The following ZMAT4 variants were observed in gnomAD, a reference collection of about 807,000 sequenced individuals.
The protein encoded by ZMAT4 is zinc finger matrin-type 4.
Under a neutral mutation model 28.7 loss-of-function variants are expected in ZMAT4, and 17 were observed. The observed-to-expected ratio is 0.59, with a 90% CI of 0.41 to 0.89. The LOEUF (loss-of-function observed/expected upper bound fraction) is 0.89, where lower values mean the gene tolerates loss of function less well. ZMAT4 is among the 40% of genes least tolerant of loss of function. ZMAT4 has a pLI of 0.00. For synonymous variants in ZMAT4, 117 were observed against 109.2 expected, an observed-to-expected ratio of 1.07 and a Z score of -0.44; for missense variants, 240 against 283.8, an observed-to-expected ratio of 0.85 and a Z score of 1.11.
At chr8:40,775,265 G>T (rs967109302) in intron 2 of ZMAT4, among the ~76,000 whole-genome samples, 7 of 152,148 alleles carry the variant, frequency 4.6e-5, no homozygotes, top group African/African-American at 1.7e-4. Context: ...TACAGATCCC[G>T]TTGCGTTCCA....
At chr8:40,557,457 A>C (rs1420052488) in intron 6 of ZMAT4, among the ~76,000 whole-genome samples, 1 of 152,130 alleles carries the variant, frequency 6.6e-6, no homozygotes, top group Non-Finnish European at 1.5e-5. Context: ...TAGTTCCCTG[A>C]AGATATCATG....
At chr8:40,713,542 A>C (rs981845163) in intron 3 of ZMAT4, among the ~76,000 whole-genome samples, 1 of 152,186 alleles carries the variant, frequency 6.6e-6, no homozygotes, top group Non-Finnish European at 1.5e-5. Context: ...ACACTTGCAA[A>C]GCGTTAAAAG....
chr8:40,831,582 C>T (rs543152224), intron 1 of ZMAT4, among the ~76,000 whole-genome samples: 2 of 152,338 alleles, frequency 1.3e-5, no homozygotes, highest in East Asian at 3.9e-4. Flanking sequence ...GGTGAGCATC[C>T]TTCTGTTACA....
chr8:40,577,969 C>T (rs1177300210), intron 6 of ZMAT4, among the ~76,000 whole-genome samples: 1 of 151,672 alleles, frequency 6.6e-6, no homozygotes, highest in Non-Finnish European at 1.5e-5. Context: ...TGGTATATAC[C>T]ATGATTATGG....
At chr8:40,817,240 T>C (rs79259493) in intron 2 of ZMAT4, among the ~76,000 whole-genome samples, 4,830 of 152,226 alleles carry the variant, frequency 0.032, 248 homozygotes, top group East Asian at 0.21. Flanking sequence ...ATAATATTAC[T>C]AAAGACATTA....
intron 5 of ZMAT4, among the ~76,000 whole-genome samples, chr8:40,597,748 T>C (rs559493172): frequency 6.6e-6 from 1 of 152,358 alleles, no homozygotes; most frequent in South Asian, 2.1e-4. Flanking sequence ...AAAAATGTTT[T>C]CATGGATGAA....
intron 2 of ZMAT4, among the ~76,000 whole-genome samples, chr8:40,782,983 G>A (rs1813900435): frequency 6.6e-6 from 1 of 152,186 alleles, no homozygotes; most frequent in Non-Finnish European, 1.5e-5. Flanking sequence ...AAAATGGTGT[G>A]GCCAGTTTGG....
chr8:40,840,596 C>A (rs1283579090), intron 1 of ZMAT4, among the ~76,000 whole-genome samples: 2 of 152,200 alleles, frequency 1.3e-5, no homozygotes, highest in African/African-American at 2.4e-5. Context: ...CAACCTGCTA[C>A]CTCCGTTAGT....
chr8:40,832,535 CT>C (rs1281177893), intron 1 of ZMAT4, among the ~76,000 whole-genome samples: 15 of 152,312 alleles, frequency 9.8e-5, no homozygotes, highest in African/African-American at 3.6e-4. Flanking sequence ...ATGATGCCCC[CT>C]GCTCACCCAT....
chr8:40,787,920 T>C lies in ZMAT4; in HGVS notation c.103-20190A>G, dbSNP rs558041502. Among the ~76,000 whole-genome samples, 78 of 152,296 alleles carry C rather than the reference T, an allele frequency of 5.1e-4. 1 individual carries two copies. The highest frequency in any genetic ancestry group is 1.9e-3 in the South Asian group (9 of 4,830). ...ATGGTTGGCTGAGGGTAATTGAAAC[T>C]GTGGAAAGCAAAACTATGGATAAGG... On this transcript the variant is annotated intron_variant, in intron 2 of 6. Coordinates refer to ENST00000297737, the MANE Select transcript of ZMAT4 (RefSeq NM_024645.3).
chr8:40,619,198 C>A (rs1488798745), intron 5 of ZMAT4, among the ~76,000 whole-genome samples: 2 of 152,104 alleles, frequency 1.3e-5, no homozygotes, highest in African/African-American at 4.8e-5. Flanking sequence ...GACAAAGAAA[C>A]GTTGGTGGCC....
At chr8:40,748,873 T>A (rs1162454129) in intron 3 of ZMAT4, among the ~76,000 whole-genome samples, 1 of 152,130 alleles carries the variant, frequency 6.6e-6, no homozygotes, top group Non-Finnish European at 1.5e-5. Flanking sequence ...TGTGTCCCCA[T>A]CTAAATCTCA....
At chr8:40,585,643 G>A (rs1468836202) in intron 5 of ZMAT4, among the ~76,000 whole-genome samples, 1 of 152,088 alleles carries the variant, frequency 6.6e-6, no homozygotes, top group Non-Finnish European at 1.5e-5. Context: ...CCATTTCACA[G>A]GGATTCATGA....
chr8:40,825,597 G>A lies in ZMAT4; in HGVS notation c.80C>T (p.Ser27Leu), dbSNP rs1163215965. ...TACCTCGTAGTGGGCCACACGCTGC[G>A]ATTCGGAGATCAGCTGTGCACTGCA... Reference protein sequence around the residue: ...KVCSAQLISESQRVAHYESRK... With the variant: ...KVCSAQLISELQRVAHYESRK... The change falls in exon 2 of 7, where the codon TCG (serine) becomes TTG (leucine). Residue 27 changes from serine (S) to leucine (L), a missense_variant. Ser to Leu is a moderately radical substitution (Grantham distance 145). Transcript: ENST00000297737. The A allele has an allele frequency of 3.2e-6, 5 of 1,553,476 alleles. No individual in the cohort carries two copies. The highest frequency in any genetic ancestry group is 2.0e-5 in the Admixed American group (1 of 51,142).
At chr8:40,893,192 C>A (rs186721217) in intron 1 of ZMAT4, among the ~76,000 whole-genome samples, 148 of 152,320 alleles carry the variant, frequency 9.7e-4, no homozygotes, top group African/African-American at 3.3e-3. Flanking sequence ...GTTACAACAT[C>A]TTCCGAGCTG....
chr8:40,643,442 G>C (rs552706338), intron 5 of ZMAT4, among the ~76,000 whole-genome samples: 1 of 152,264 alleles, frequency 6.6e-6, no homozygotes, highest in East Asian at 1.9e-4. Context: ...AGCTAGCATG[G>C]TGGGGAATAT....
chr8:40,539,965 T>C (rs1188580326), intron 6 of ZMAT4, among the ~76,000 whole-genome samples: 1 of 152,220 alleles, frequency 6.6e-6, no homozygotes, highest in Non-Finnish European at 1.5e-5. Context: ...GGCCAAATAA[T>C]AGTAGCCCAA....
chr8:40,670,895 C>T (rs533196356), intron 5 of ZMAT4, among the ~76,000 whole-genome samples: 31 of 151,844 alleles, frequency 2.0e-4, no homozygotes, highest in African/African-American at 7.0e-4. Context: ...GGTGAAACCC[C>T]GTCTCTACTA....
chr8:40,845,776 TAAAAAAA>T (rs71224858), intron 1 of ZMAT4, among the ~76,000 whole-genome samples: 139 of 129,590 alleles, frequency 1.1e-3, no homozygotes, highest in Non-Finnish European at 1.2e-3. Flanking sequence ...ACTTAGTAGT[TAAAAAAA>T]AAAAAAAAAA....
Sources: gnomAD v4.1 joint callset for allele counts (sites outside exome capture counted in the v4.1 genomes callset) on GRCh38, gnomAD v4.1.1 for gene constraint, MANE v1.5 for transcripts, NCBI Gene and HGNC (gene_info 2026-07-23, HGNC 2026-07-21) for gene names.